Variants in NLGN1 observed in about 807,000 individuals in gnomAD.
NLGN1 encodes neuroligin-1.
In NLGN1, 12 loss-of-function variants were observed where a neutral mutation model predicts 65.5. The observed-to-expected ratio is 0.18, with a 90% CI of 0.12 to 0.30. The LOEUF (loss-of-function observed/expected upper bound fraction) is 0.30, where lower values mean the gene tolerates loss of function less well. NLGN1 is among the 10% of genes least tolerant of loss of function. The pLI is 1.00. For missense variants in NLGN1, 750 were observed against 1,007.1 expected (o/e 0.74, Z 3.46); for synonymous variants, 350 against 359.5 (o/e 0.97, Z 0.30).
intron 3 of NLGN1, among the ~76,000 whole-genome samples, chr3:173,704,045 A>G (rs1767655721): frequency 6.6e-6 from 1 of 152,200 alleles, no homozygotes; most frequent in South Asian, 2.1e-4. Flanking sequence ...CTTAAATCAC[A>G]CACATATTGT....
intron 3 of NLGN1, among the ~76,000 whole-genome samples, chr3:173,701,830 T>A (rs1334262930): frequency 6.6e-6 from 1 of 152,140 alleles, no homozygotes; most frequent in South Asian, 2.1e-4. Context: ...AGCTAGTTAG[T>A]GATAGAGATG....
chr3:174,281,132 G>A lies in NLGN1; in HGVS notation c.2301G>A (p.Arg767=), dbSNP rs752081214. The A allele has an allele frequency of 1.9e-6, 3 of 1,613,136 alleles. No individual in the cohort carries two copies. The East Asian group carries it at 6.7e-5, about 36-fold the overall frequency. The change falls in exon 7 of 7, where the codon AGG becomes AGA. Residue 767 remains arginine, a synonymous_variant. Coordinates refer to ENST00000457714, the Ensembl canonical transcript of NLGN1. ...CCCCAGATTACACACTAGCTATGAGGAGGTCACCTGATGATGTTCCCTTAA... is the reference window on the plus strand; with the variant it reads ...CCCCAGATTACACACTAGCTATGAGAAGGTCACCTGATGATGTTCCCTTAA...
At chr3:173,742,158 T>C (rs1774750236) in intron 3 of NLGN1, among the ~76,000 whole-genome samples, 1 of 152,166 alleles carries the variant, frequency 6.6e-6, no homozygotes, top group Non-Finnish European at 1.5e-5. Flanking sequence ...CTACAATTTC[T>C]TAAGAATGTA....
chr3:174,283,676 CT>C (rs1425961770), exon 7 of NLGN1: 3 of 151,272 alleles, frequency 2.0e-5, no homozygotes, highest in African/African-American at 7.3e-5. Flanking sequence ...CAATTATTAT[CT>C]ATCAAAGAAA....
chr3:174,121,491 G>T (rs942866813), intron 4 of NLGN1, among the ~76,000 whole-genome samples: 8 of 135,588 alleles, frequency 5.9e-5, no homozygotes, highest in African/African-American at 1.7e-4. Flanking sequence ...GCAAGTATAT[G>T]AAATTAATTA....
At chr3:173,630,996 C>T (rs542378968) in intron 3 of NLGN1, among the ~76,000 whole-genome samples, 12 of 152,134 alleles carry the variant, frequency 7.9e-5, no homozygotes, top group African/African-American at 2.4e-4. Context: ...AAGAAGAGAG[C>T]GAGAAGGCAA....
chr3:174,293,822 A>G, the NLGN1 span, among the ~76,000 whole-genome samples: 1 of 151,652 alleles, frequency 6.6e-6, no homozygotes, highest in Admixed American at 6.6e-5. Context: ...CATGTGGAAA[A>G]AAGTGTTATT....
At chr3:174,291,160 AAAAG>A (rs905738348), downstream of NLGN1, among the ~76,000 whole-genome samples, 3 of 150,526 alleles carry the variant, frequency 2.0e-5, no homozygotes, top group African/African-American at 7.3e-5. Flanking sequence ...AAAGTTTCAA[AAAAG>A]AAGGAATAGG....
At chr3:174,294,291 A>AT in the NLGN1 span, among the ~76,000 whole-genome samples, 1 of 151,552 alleles carries the variant, frequency 6.6e-6, no homozygotes, top group African/African-American at 2.4e-5. Context: ...TACTTTGTAT[A>AT]TTTTTTCTAT....
intron 4 of NLGN1, among the ~76,000 whole-genome samples, chr3:174,066,516 GTCTC>G (rs373763421): frequency 0.023 from 1,550 of 66,958 alleles, 21 homozygotes; most frequent in African/African-American, 0.037. Flanking sequence ...TATGGAACAA[GTCTC>G]TCTCTCTCTC....
chr3:173,415,943 A>AGAGCGCGCGCGC (rs141095727), intron 1 of NLGN1, among the ~76,000 whole-genome samples: 10 of 142,828 alleles, frequency 7.0e-5, no homozygotes, highest in African/African-American at 2.8e-4. Context: ...AGAGAGAGAG[A>AGAGCGCGCGCGC]GCTTGGTATA....
intron 3 of NLGN1, among the ~76,000 whole-genome samples, chr3:173,640,468 C>T (rs1175354272): frequency 1.3e-5 from 2 of 152,086 alleles, no homozygotes; most frequent in Non-Finnish European, 2.9e-5. Flanking sequence ...TTTAAACTAA[C>T]AGATAGCAGG....
intron 4 of NLGN1, among the ~76,000 whole-genome samples, chr3:174,215,639 G>A (rs934094639): frequency 6.6e-6 from 1 of 152,080 alleles, no homozygotes; most frequent in Non-Finnish European, 1.5e-5. Context: ...TGTGATAGAT[G>A]GTCTTGAGCT....
chr3:174,055,241 C>T (rs1735808105), intron 4 of NLGN1, among the ~76,000 whole-genome samples: 1 of 145,004 alleles, frequency 6.9e-6, no homozygotes, highest in Admixed American at 7.1e-5. Flanking sequence ...AATTAATCAT[C>T]AAATGAAGCA....
chr3:174,066,546 C>CTGTGTG (rs1317707060), intron 4 of NLGN1, among the ~76,000 whole-genome samples: 1 of 114,730 alleles, frequency 8.7e-6, no homozygotes, highest in African/African-American at 3.4e-5. Context: ...CTCTCTCTCT[C>CTGTGTG]TCTCTCTCTC....
intron 4 of NLGN1, among the ~76,000 whole-genome samples, chr3:174,228,814 G>A (rs962666118): frequency 2.0e-5 from 3 of 151,972 alleles, no homozygotes; most frequent in Non-Finnish European, 4.4e-5. Flanking sequence ...TTAGGTTTCT[G>A]TGGGAACCAA....
At chr3:173,526,298 C>T (rs1178666767) in intron 2 of NLGN1, among the ~76,000 whole-genome samples, 1 of 151,694 alleles carries the variant, frequency 6.6e-6, no homozygotes, top group African/African-American at 2.4e-5. Flanking sequence ...GCATTGAGTG[C>T]TGTATCATTA....
intron 4 of NLGN1, among the ~76,000 whole-genome samples, chr3:173,855,642 G>C (rs939685388): frequency 4.6e-5 from 7 of 151,954 alleles, no homozygotes; most frequent in African/African-American, 1.4e-4. Context: ...TGACCACAAC[G>C]GTTCAAAAAG....
At chr3:174,082,877 C>T (rs59411708) in intron 4 of NLGN1, among the ~76,000 whole-genome samples, 10 of 151,678 alleles carry the variant, frequency 6.6e-5, no homozygotes, top group Admixed American at 2.6e-4. Flanking sequence ...TGCACCACCA[C>T]GCCCGGCTAA....
Sources: gnomAD v4.1 joint callset for allele counts (sites outside exome capture counted in the v4.1 genomes callset) on GRCh38, gnomAD v4.1.1 for gene constraint, MANE v1.5 for transcripts, NCBI Gene and HGNC (gene_info 2026-07-23, HGNC 2026-07-21) for gene names.